PCDHB1: variants seen among roughly 807,000 people sequenced by gnomAD.
PCDHB1 encodes protocadherin beta-1.
In PCDHB1, 44 loss-of-function variants were observed where a neutral mutation model predicts 43.5. That is an observed-to-expected ratio of 1.01 (90% CI 0.79 to 1.30). The LOEUF (loss-of-function observed/expected upper bound fraction) is 1.30, where lower values mean the gene tolerates loss of function less well. Among genes scored for constraint, PCDHB1 ranks in the 50% most tolerant of loss-of-function variants. The pLI, the probability that PCDHB1 is intolerant of heterozygous loss-of-function variation, is 0.00. For synonymous variants in PCDHB1, 392 were observed against 400.8 expected (o/e 0.98, Z 0.26); for missense variants, 919 against 1,008.9 (o/e 0.91, Z 1.21).
chr5:141,053,360 G>C lies in PCDHB1; in HGVS notation c.1890G>C (p.Gln630His), dbSNP rs1326546271. ...RQNGEIHTLR[Q>H]ISERDPMMQK... ...ATGGAGAAATCCATACATTAAGGCA[G>C]ATATCTGAGAGAGACCCCATGATGC... is the stretch of plus-strand genomic sequence containing the variant. Residue 630 changes from glutamine (Q) to histidine (H), a missense_variant, in exon 1 of 1, where the codon CAG (glutamine) becomes CAC (histidine). Coordinates refer to ENST00000306549, the MANE Select transcript of PCDHB1 (RefSeq NM_013340.4). 1 of 1,614,088 alleles carries C rather than the reference G, an allele frequency of 6.2e-7. No homozygotes were observed. Among genetic ancestry groups the C allele is most frequent in the Non-Finnish European group, 8.5e-7 (1 of 1,180,038 alleles).
chr5:141,053,491 T>C lies in PCDHB1; in HGVS notation c.2021T>C (p.Phe674Ser), dbSNP rs782287387. ...VDGFSEPYLQ[F>S]QDPTKHSRKV... ...GGCTTTTCAGAGCCCTACCTGCAGT[T>C]CCAGGATCCAACCAAGCATTCTAGA... is the stretch of plus-strand genomic sequence containing the variant. The change falls in exon 1 of 1, where the codon TTC becomes TCC. Residue 674 changes from phenylalanine to serine, a missense_variant. Physicochemically the swap from Phe to Ser is radical, Grantham distance 155. Transcript: ENST00000306549. The C allele has an allele frequency of 2.2e-5, 35 of 1,614,082 alleles. No homozygotes were observed. The East Asian group carries it at 6.9e-4, about 32-fold the overall frequency.
rs781825794 is a variant in PCDHB1, at chr5:141,053,059, TTG to T, written c.1592_1593del (p.Val531GlyfsTer5). 18 of 1,614,180 alleles carry T rather than the reference TTG, an allele frequency of 1.1e-5. No individual in the cohort carries two copies. The highest frequency in any genetic ancestry group is 1.4e-5 in the Non-Finnish European group (17 of 1,180,036). ...TATGAGGCCATTCAAGATTTTCAATTTGTGGTAAAGGCAACTGATGGGGGCTT... is the reference window on the plus strand; with the variant it reads ...TATGAGGCCATTCAAGATTTTCAATTTGGTAAAGGCAACTGATGGGGGCTT... On this transcript the variant is annotated frameshift_variant, in exon 1 of 1. Coordinates refer to ENST00000306549, the MANE Select transcript of PCDHB1 (RefSeq NM_013340.4). LOFTEE classifies it high-confidence loss of function.
chr5:141,053,116 G>C lies in PCDHB1; in HGVS notation c.1646G>C (p.Arg549Thr). ...TCACTGAGTAGCCAAGTTACTGTCAGAGTGGTTGTCCTAGATGACAATGAC... is the reference window on the plus strand; with the variant it reads ...TCACTGAGTAGCCAAGTTACTGTCACAGTGGTTGTCCTAGATGACAATGAC... ...FLSLSSQVTV[R>T]VVVLDDNDNR... is the part of the protein sequence containing the mutation. Residue 549 changes from arginine (R) to threonine (T), a missense_variant, in exon 1 of 1, where the codon AGA becomes ACA. By Grantham distance (71) the Arg-to-Thr change is moderately conservative (BLOSUM62 -1). Transcript: ENST00000306549. 6.2e-7 allele frequency: 1 copy of C among 1,614,184 alleles called. No homozygotes were observed. Among genetic ancestry groups the C allele is most frequent in the Non-Finnish European group, 8.5e-7 (1 of 1,180,020 alleles).
In PCDHB1 at chr5:141,052,773, G is replaced by C. The variant is rs782502689; in HGVS notation, c.1303G>C (p.Glu435Gln). The C allele has an allele frequency of 2.2e-5, 35 of 1,613,984 alleles. No individual in the cohort carries two copies. The South Asian group carries it at 3.7e-4, about 17-fold the overall frequency. The change falls in exon 1 of 1, where the codon GAG becomes CAG. Residue 435 changes from glutamate (E) to glutamine (Q), a missense_variant. Transcript: ENST00000306549. ...MDTGPPSLSA[E>Q]TMIEVLISDV... ...TACTGGACCACCTAGCTTGTCTGCC[G>C]AGACTATGATAGAGGTGCTAATATC...
At position 141,051,745 on chromosome 5, in the gene PCDHB1, G is replaced by A. The variant is rs782613909; in HGVS notation, c.275G>A (p.Arg92Gln). The change falls in exon 1 of 1, where the codon CGG becomes CAG. Residue 92 changes from arginine to glutamine, a missense_variant. Arg to Gln is a conservative substitution (Grantham distance 43). Coordinates refer to ENST00000306549, the MANE Select transcript of PCDHB1 (RefSeq NM_013340.4). ...GDLFVKEKLD[R>Q]ESLCGKADPC... ...TTGTTTGTGAAGGAGAAACTGGATC[G>A]GGAGTCACTTTGTGGCAAAGCCGAC... 6 of 1,614,212 alleles carry A rather than the reference G, an allele frequency of 3.7e-6. No homozygotes were observed. The highest frequency in any genetic ancestry group is 3.3e-5 in the South Asian group (3 of 91,084).
In PCDHB1 at chr5:141,054,987, C is replaced by G. The variant is rs1260478036; in HGVS notation, c.*1060C>G. On this transcript the variant is annotated 3_prime_UTR_variant, in exon 1 of 1. Transcript: ENST00000306549. ...CTGGGATTACAGGCATAAGCCACCA[C>G]GCCCAGCCAGATTTGATTTCTTGAT... 3 of 152,170 alleles carry G rather than the reference C, an allele frequency of 2.0e-5. No individual in the cohort carries two copies. Among genetic ancestry groups the G allele is most frequent in the African/African-American group, 7.2e-5 (3 of 41,398 alleles). The allele number at this position is 152,170 out of a possible 1,614,324, so 9.4% of individuals were successfully genotyped here. A position where few individuals can be genotyped will look rare whatever the true frequency, so the allele number is the denominator to read the frequency against.
Position 141,053,106 on chromosome 5 carries a change from G to A in PCDHB1, c.1636G>A (p.Val546Ile). 1 of 1,614,190 alleles carries A rather than the reference G, an allele frequency of 6.2e-7. No homozygotes were observed. The highest frequency in any genetic ancestry group is 1.1e-5 in the South Asian group (1 of 91,076). ...GGGCTTCCTGTCACTGAGTAGCCAA[G>A]TTACTGTCAGAGTGGTTGTCCTAGA... ...DGGFLSLSSQ[V>I]TVRVVVLDDN... Residue 546 changes from valine (V) to isoleucine (I), a missense_variant, in exon 1 of 1, where the codon GTT (valine) becomes ATT (isoleucine). Val to Ile is a conservative substitution (Grantham distance 29). Coordinates refer to ENST00000306549, the MANE Select transcript of PCDHB1 (RefSeq NM_013340.4).
Position 141,053,074 on chromosome 5 carries a change from C to T in PCDHB1, c.1604C>T (p.Thr535Ile). Reference protein sequence around the residue: ...IQDFQFVVKATDGGFLSLSSQ... With the variant: ...IQDFQFVVKAIDGGFLSLSSQ... ...GATTTTCAATTTGTGGTAAAGGCAACTGATGGGGGCTTCCTGTCACTGAGT... is the reference window on the plus strand; with the variant it reads ...GATTTTCAATTTGTGGTAAAGGCAATTGATGGGGGCTTCCTGTCACTGAGT... Residue 535 changes from threonine (T) to isoleucine (I), a missense_variant, in exon 1 of 1, where the codon ACT (threonine) becomes ATT (isoleucine). Coordinates refer to ENST00000306549, the MANE Select transcript of PCDHB1 (RefSeq NM_013340.4). The T allele has an allele frequency of 2.5e-6, 4 of 1,614,212 alleles. No individual in the cohort carries two copies. Among genetic ancestry groups the T allele is most frequent in the Non-Finnish European group, 3.4e-6 (4 of 1,180,048 alleles).
Position 141,054,186 on chromosome 5 carries a change from A to G in PCDHB1, c.*259A>G, listed in dbSNP as rs17119401. On this transcript the variant is annotated 3_prime_UTR_variant, in exon 1 of 1. Transcript: ENST00000306549. ...TGTTTAAAGAAATGTCACCCTCTAT[A>G]AATGCATATGTGGTAGGAACTTCTG... The G allele has an allele frequency of 4.5e-3, 1,766 of 392,348 alleles. 27 individuals carry two copies. Among genetic ancestry groups the G allele is most frequent in the African/African-American group, 0.033 (1,664 of 50,454 alleles). 24.3% of individuals were successfully genotyped at this position (392,348 alleles called of 1,614,324 possible).
rs246679 is a variant in PCDHB1, at chr5:141,053,804, C to T, written c.2334C>T (p.Phe778=). 13 of 1,614,032 alleles carry T rather than the reference C, an allele frequency of 8.1e-6. No homozygotes were observed. The African/African-American group carries it at 1.5e-4, about 18-fold the overall frequency. ...TTCTTAAGCGTTTTATGCCCAACTT[C>T]CCTTTCCCTCATGCCACTGGGGAGA... is the stretch of plus-strand genomic sequence containing the variant. ...FRFLKRFMPN[F]PFPHATGEIK... Residue 778 remains phenylalanine (F), a synonymous_variant, in exon 1 of 1, where the codon TTC becomes TTT. Transcript: ENST00000306549.
At position 141,054,205 on chromosome 5, in the gene PCDHB1, ACTT is replaced by A. The variant is rs147917860; in HGVS notation, c.*281_*283del. The stretch of plus-strand genomic sequence containing the variant: ...CTCTATAAATGCATATGTGGTAGGA[ACTT>A]CTGCTTTTCCATCTCTGTGCTAGCA... On this transcript the variant is annotated 3_prime_UTR_variant, in exon 1 of 1. Transcript: ENST00000306549. 6.5e-3 allele frequency: 2,104 copies of A among 322,274 alleles called. 17 individuals carry two copies. The highest frequency in any genetic ancestry group is 0.01 in the Middle Eastern group (11 of 1,074). 20.0% of individuals were successfully genotyped at this position (322,274 alleles called of 1,614,324 possible).
chr5:141,052,119 G>T lies in PCDHB1; in HGVS notation c.649G>T (p.Gly217Cys). Residue 217 changes from glycine (G) to cysteine (C), a missense_variant, in exon 1 of 1, where the codon GGC (glycine) becomes TGC (cysteine). Gly to Cys is a radical substitution (Grantham distance 159). Coordinates refer to ENST00000306549, the MANE Select transcript of PCDHB1 (RefSeq NM_013340.4). ...EVNLTITAVD[G>C]GSPPKSGTAH... is the part of the protein sequence containing the mutation. ...CAACTTGACAATTACGGCGGTGGAC[G>T]GCGGGTCCCCGCCTAAGTCTGGCAC... is the stretch of plus-strand genomic sequence containing the variant. 1 of 1,612,706 alleles carries T rather than the reference G, an allele frequency of 6.2e-7. No individual in the cohort carries two copies. The highest frequency in any genetic ancestry group is 8.5e-7 in the Non-Finnish European group (1 of 1,179,482).
Position 141,053,727 on chromosome 5 carries a change from T to C in PCDHB1, c.2257T>C (p.Cys753Arg), listed in dbSNP as rs1554267509. The C allele has an allele frequency of 6.2e-7, 1 of 1,614,208 alleles. No individual in the cohort carries two copies. The change falls in exon 1 of 1, where the codon TGT (cysteine) becomes CGT (arginine). Residue 753 changes from cysteine (C) to arginine (R), a missense_variant. Coordinates refer to ENST00000306549, the MANE Select transcript of PCDHB1 (RefSeq NM_013340.4). ...AGGCAATGGATCCTTATCTCGGCCT[T>C]GTCCATATGAAATGTGTTCAGCCAC... ...GQGNGSLSRP[C>R]PYEMCSATGT...
Position 141,059,007 on chromosome 5 carries a change from C to A in PCDHB1, c.*5080C>A, listed in dbSNP as rs1751187929. ...AGACTGGAATTATCCATATAGAATA[C>A]ATTTTTATCAAAATTAGTATTTCTT... On this transcript the variant is annotated 3_prime_UTR_variant, in exon 1 of 1. Transcript: ENST00000306549. 1.3e-5 allele frequency: 2 copies of A among 152,082 alleles called. No homozygotes were observed. The highest frequency in any genetic ancestry group is 4.8e-5 in the African/African-American group (2 of 41,442). 9.4% of individuals were successfully genotyped at this position (152,082 alleles called of 1,614,324 possible). A position where few individuals can be genotyped will look rare whatever the true frequency, so the allele number is the denominator to read the frequency against.
chr5:141,053,222 C>T lies in PCDHB1; in HGVS notation c.1752C>T (p.Gly584=), dbSNP rs1441623816. 4 of 1,614,094 alleles carry T rather than the reference C, an allele frequency of 2.5e-6. No individual in the cohort carries two copies. In the African/African-American group the frequency reaches 5.3e-5, roughly 22 times the overall value. ...TGGTGCCCAGGTCTGCAGAGGCAGG[C>T]TACCTAGTGACCAAAGTGGTGGCTG... The part of the protein sequence containing the change: ...NDLVPRSAEA[G]YLVTKVVAVD... The change falls in exon 1 of 1, where the codon GGC becomes GGT. Residue 584 remains glycine, a synonymous_variant. Transcript: ENST00000306549.
At position 141,053,622 on chromosome 5, in the gene PCDHB1, A is replaced by T; in HGVS notation, c.2152A>T (p.Ile718Phe). Residue 718 changes from isoleucine (I) to phenylalanine (F), a missense_variant, in exon 1 of 1, where the codon ATT becomes TTT. Coordinates refer to ENST00000306549, the MANE Select transcript of PCDHB1 (RefSeq NM_013340.4). ...CTTCATTATACATGTCTACCAAAAG[A>T]TTAAATATAGAGAAAAGTTCACAAT... ...VIFIIHVYQK[I>F]KYREKFTIQE... The T allele has an allele frequency of 6.2e-7, 1 of 1,614,014 alleles. No homozygotes were observed. The highest frequency in any genetic ancestry group is 8.5e-7 in the Non-Finnish European group (1 of 1,179,878).
chr5:141,053,462 A>G lies in PCDHB1; in HGVS notation c.1992A>G (p.Val664=). 6.2e-7 allele frequency: 1 copy of G among 1,614,230 alleles called. No individual in the cohort carries two copies. Among genetic ancestry groups the G allele is most frequent in the Non-Finnish European group, 8.5e-7 (1 of 1,180,028 alleles). ...CTGTCTCACTCAACATCCTGCTGGT[A>G]GATGGCTTTTCAGAGCCCTACCTGC... ...STTVSLNILL[V]DGFSEPYLQF... The change falls in exon 1 of 1, where the codon GTA becomes GTG. Residue 664 remains valine, a synonymous_variant. Coordinates refer to ENST00000306549, the MANE Select transcript of PCDHB1 (RefSeq NM_013340.4).
rs1751070163 is a variant in PCDHB1 at position 141,054,083 on chromosome 5, G to A, written c.*156G>A. The A allele has an allele frequency of 1.6e-6, 1 of 625,254 alleles. No homozygotes were observed. The highest frequency in any genetic ancestry group is 2.8e-6 in the Non-Finnish European group (1 of 362,032). 38.7% of individuals were successfully genotyped at this position (625,254 alleles called of 1,614,324 possible). On this transcript the variant is annotated 3_prime_UTR_variant, in exon 1 of 1. Coordinates refer to ENST00000306549, the MANE Select transcript of PCDHB1 (RefSeq NM_013340.4). ...GGTGAAAATGGGAAACCTAGAGTGA[G>A]GCTAGGCTTACTCAATACAAAGCAG...
In PCDHB1 at chr5:141,052,561, C is replaced by G; in HGVS notation, c.1091C>G (p.Thr364Arg). Residue 364 changes from threonine to arginine, a missense_variant, in exon 1 of 1, where the codon ACA becomes AGA. Coordinates refer to ENST00000306549, the MANE Select transcript of PCDHB1 (RefSeq NM_013340.4). ...SPLPEDSPPQTVVALFTIRDR... is the reference protein window; with the variant it reads ...SPLPEDSPPQRVVALFTIRDR... The stretch of plus-strand genomic sequence containing the variant: ...CTCCCTGAAGACTCACCACCACAGA[C>G]AGTAGTAGCCCTTTTCACTATCAGA... The G allele has an allele frequency of 1.2e-6, 2 of 1,614,156 alleles. No homozygotes were observed. The highest frequency in any genetic ancestry group is 1.7e-5 in the Admixed American group (1 of 60,024).
Sources: gnomAD v4.1 joint callset for allele counts on GRCh38, gnomAD v4.1.1 for gene constraint, MANE v1.5 for transcripts, NCBI Gene and HGNC (gene_info 2026-07-23, HGNC 2026-07-21) for gene names.